The following ANKAR variants were observed in gnomAD, a reference collection of about 807,000 sequenced individuals.
ANKAR encodes the protein ankyrin and armadillo repeat-containing protein.
A neutral mutation model predicts 146.2 loss-of-function variants in ANKAR; 136 were observed. The ratio of observed to expected loss-of-function variants is 0.93; its 90% CI spans 0.81 to 1.07. The LOEUF is 1.07. Ranked by LOEUF, ANKAR falls within the 50% of genes least tolerant of loss-of-function variation. The probability of loss-of-function intolerance (pLI) is 0.00; values close to 1 mark genes in which losing one functional copy is unlikely to be tolerated. For synonymous variants in ANKAR, 500 were observed against 575.8 expected, an observed-to-expected ratio of 0.87 and a Z score of 1.88; for missense variants, 1,567 against 1,679.9, an observed-to-expected ratio of 0.93 and a Z score of 1.18.
chr2:189,695,655 C>T (rs2037090886), intron 6 of ANKAR, among the ~76,000 whole-genome samples: 1 of 152,214 alleles, frequency 6.6e-6, no homozygotes, highest in Admixed American at 6.5e-5. Flanking sequence ...AGCAAAGAAG[C>T]TCACCAGCTT....
intron 16 of ANKAR, among the ~76,000 whole-genome samples, chr2:189,731,481 C>A (rs1218226523): frequency 6.7e-6 from 1 of 148,376 alleles, no homozygotes; most frequent in Non-Finnish European, 1.5e-5. Context: ...TCAAGTGATT[C>A]TCCTGCCTCG....
chr2:189,693,101 G>T lies in ANKAR; in HGVS notation c.1231G>T (p.Ala411Ser). 1 of 1,540,528 alleles carries T rather than the reference G, an allele frequency of 6.5e-7. No homozygotes were observed. The highest frequency in any genetic ancestry group is 2.1e-5 in the Admixed American group (1 of 47,558). Residue 411 changes from alanine to serine, a missense_variant, in exon 5 of 23, where the codon GCT (alanine) becomes TCT (serine). Coordinates refer to ENST00000684021, the MANE Select transcript of ANKAR (RefSeq NM_001378068.1). ...AAATTTAGAAAAAATACGAGATTGT[G>T]CTGCTAATACATTTATAGAAGATTC... ...QKNLEKIRDC[A>S]ANTFIEDSGY...
chr2:189,719,663 C>A lies in ANKAR; in HGVS notation c.2316C>A (p.His772Gln), dbSNP rs747627177. The A allele has an allele frequency of 6.2e-7, 1 of 1,614,110 alleles. No homozygotes were observed. The highest frequency in any genetic ancestry group is 8.5e-7 in the Non-Finnish European group (1 of 1,180,004). The change falls in exon 11 of 23, where the codon CAC becomes CAA. Residue 772 changes from histidine (H) to glutamine (Q), a missense_variant. Coordinates refer to ENST00000684021, the MANE Select transcript of ANKAR (RefSeq NM_001378068.1). Reference protein sequence around the residue: ...TVGLLSNISTHKSAVHALVEA... With the variant: ...TVGLLSNISTQKSAVHALVEA... ...GGTTATTGAGTAATATCTCAACCCA[C>A]AAAAGTGCAGTGCATGCTTTGGTAG...
In ANKAR at chr2:189,692,406, G is replaced by A; in HGVS notation, c.1191G>A (p.Leu397=). Residue 397 remains leucine, a synonymous_variant, in exon 4 of 23, where the codon TTG becomes TTA. Coordinates refer to ENST00000684021, the MANE Select transcript of ANKAR (RefSeq NM_001378068.1). ...GCACCCCTTCAATTGAGAATGCCTT[G>A]GAAGATTTTCAGGTTTAAATGATCA... The part of the protein sequence containing the change: ...DISTPSIENA[L]EDFQKNLEKI... The A allele has an allele frequency of 6.2e-7, 1 of 1,607,636 alleles. No homozygotes were observed. Among genetic ancestry groups the A allele is most frequent in the Non-Finnish European group, 8.5e-7 (1 of 1,178,020 alleles).
chr2:189,691,579 CACTT>C (rs1380547507), intron 3 of ANKAR, among the ~76,000 whole-genome samples: 2 of 151,776 alleles, frequency 1.3e-5, no homozygotes, highest in African/African-American at 4.8e-5. Context: ...ATCTTGAGCT[CACTT>C]ACAATAAATC....
intron 2 of ANKAR, among the ~76,000 whole-genome samples, chr2:189,682,491 C>T (rs2034876439): frequency 6.6e-6 from 1 of 152,048 alleles, no homozygotes; most frequent in African/African-American, 2.4e-5. Context: ...GTGGCAGTAG[C>T]AGGAATAGGC....
rs147390101 is a variant in ANKAR at position 189,707,071 on chromosome 2, A to G, written c.2044A>G (p.Thr682Ala). ...TAATATAATCCATTTATCAGTGTTA[A>G]CCTTTCATACAGAGGTTCTCAAATA... ...GNNIIHLSVL[T>A]FHTEVLKYII... is the part of the protein sequence containing the mutation. The change falls in exon 9 of 23, where the codon ACC becomes GCC. Residue 682 changes from threonine (T) to alanine (A), a missense_variant. Coordinates refer to ENST00000684021, the MANE Select transcript of ANKAR (RefSeq NM_001378068.1). 1.3e-3 allele frequency: 2,021 copies of G among 1,609,792 alleles called. 12 individuals carry two copies. The African/African-American group carries it at 0.019, about 15-fold the overall frequency.
In ANKAR at chr2:189,728,309, TG is replaced by T; in HGVS notation, c.2923del (p.Ala975ProfsTer7). ...TAAGGAACAAGGAGCTGTTGCACTT[TG>T]GGCCTTGGCAGGACAAACACTAAAA... is the stretch of plus-strand genomic sequence containing the variant. ...DVKEQGAVAL[W>X]ALAGQTLKQQ... On this transcript the variant is annotated frameshift_variant, in exon 14 of 23. Coordinates refer to ENST00000684021, the MANE Select transcript of ANKAR (RefSeq NM_001378068.1). LOFTEE classifies it high-confidence loss of function. 6.2e-7 allele frequency: 1 copy of T among 1,612,846 alleles called. No homozygotes were observed. Among genetic ancestry groups the T allele is most frequent in the Non-Finnish European group, 8.5e-7 (1 of 1,179,692 alleles).
chr2:189,695,205 A>G, intron 6 of ANKAR, 44 bp downstream of exon 6: 2 of 1,442,890 alleles, frequency 1.4e-6, no homozygotes, highest in Non-Finnish European at 1.9e-6. Context: ...GAAGTTATGT[A>G]TTATTGATAA....
At chr2:189,722,990 T>G (rs1244955884) in intron 12 of ANKAR, among the ~76,000 whole-genome samples, 1 of 152,216 alleles carries the variant, frequency 6.6e-6, no homozygotes, top group Admixed American at 6.5e-5. Flanking sequence ...GAAGATAACT[T>G]AATTTTGAAA....
Position 189,733,145 on chromosome 2 carries a change from G to A in ANKAR, c.3339G>A (p.Gly1113=). 6.2e-7 allele frequency: 1 copy of A among 1,612,842 alleles called. No homozygotes were observed. The highest frequency in any genetic ancestry group is 8.5e-7 in the Non-Finnish European group (1 of 1,179,432). Residue 1113 remains glycine, a synonymous_variant, in exon 17 of 23, where the codon GGG becomes GGA. Coordinates refer to ENST00000684021, the MANE Select transcript of ANKAR (RefSeq NM_001378068.1). ...TTTCCTTGGCATGCATTGTCCTAGG[G>A]AATGATGTGTTACAGAAAGACTTAC... ...VAFSLACIVL[G]NDVLQKDLHE...
chr2:189,680,601 A>C (rs1005276144), intron 2 of ANKAR, among the ~76,000 whole-genome samples: 4 of 151,800 alleles, frequency 2.6e-5, no homozygotes, highest in African/African-American at 9.7e-5. Context: ...TCTTAGCTCC[A>C]CTTTTGCTGT....
chr2:189,754,182 T>C, intron 18 of ANKAR: 1 of 1,613,862 alleles, frequency 6.2e-7, no homozygotes, highest in Non-Finnish European at 8.5e-7. Flanking sequence ...ATCAGTAACG[T>C]GTTGAAGTCC....
At chr2:189,736,196 A>C (rs1422078341) in intron 17 of ANKAR, among the ~76,000 whole-genome samples, 1 of 152,182 alleles carries the variant, frequency 6.6e-6, no homozygotes, top group Non-Finnish European at 1.5e-5. Flanking sequence ...TGAAACATTA[A>C]TAGCCACTTT....
At chr2:189,703,428 G>A (rs2038376848) in intron 7 of ANKAR, among the ~76,000 whole-genome samples, 1 of 152,112 alleles carries the variant, frequency 6.6e-6, no homozygotes, top group Non-Finnish European at 1.5e-5. Context: ...CAGATTTGTG[G>A]TCTGTACAAC....
intron 7 of ANKAR, among the ~76,000 whole-genome samples, chr2:189,697,496 G>A (rs149826490): frequency 4.6e-5 from 7 of 151,932 alleles, no homozygotes; most frequent in African/African-American, 1.2e-4. Context: ...TGCTTTAACC[G>A]TATTGAATAT....
At chr2:189,690,836 A>G (rs1017044412) in intron 3 of ANKAR, among the ~76,000 whole-genome samples, 12 of 152,198 alleles carry the variant, frequency 7.9e-5, no homozygotes, top group African/African-American at 2.4e-4. Flanking sequence ...AACGTTAACT[A>G]TATCTGCAAT....
chr2:189,698,999 T>A (rs1202457965), intron 7 of ANKAR, among the ~76,000 whole-genome samples: 1 of 152,190 alleles, frequency 6.6e-6, no homozygotes, highest in Non-Finnish European at 1.5e-5. Context: ...CTTATATAAA[T>A]TTATTTAGTT....
chr2:189,699,114 A>G (rs1406182586), intron 7 of ANKAR, among the ~76,000 whole-genome samples: 1 of 152,210 alleles, frequency 6.6e-6, no homozygotes, highest in Non-Finnish European at 1.5e-5. Flanking sequence ...TGGCCTTCAT[A>G]GGTGCTCAGG....
Sources: gnomAD v4.1 joint callset for allele counts (sites outside exome capture counted in the v4.1 genomes callset) on GRCh38, gnomAD v4.1.1 for gene constraint, MANE v1.5 for transcripts, NCBI Gene and HGNC (gene_info 2026-07-23, HGNC 2026-07-21) for gene names.